The following PTPRD variants were observed in gnomAD, a reference collection of about 807,000 sequenced individuals.
The protein encoded by PTPRD is receptor-type tyrosine-protein phosphatase delta.
A neutral mutation model predicts 214.5 loss-of-function variants in PTPRD; 34 were observed. The observed-to-expected ratio is 0.16, with a 90% CI of 0.12 to 0.21. PTPRD has a LOEUF of 0.21. PTPRD is among the 10% of genes least tolerant of loss of function. The probability of loss-of-function intolerance (pLI) is 1.00; values close to 1 mark genes in which losing one functional copy is unlikely to be tolerated. For missense variants in PTPRD, 2,545 were observed against 2,398.7 expected, an observed-to-expected ratio of 1.06 and a Z score of -1.27; for synonymous variants, 1,128 against 845.7, an observed-to-expected ratio of 1.33 and a Z score of -5.79.
chr9:8,322,261 G>C (rs962875265), intron 44 of PTPRD, among the ~76,000 whole-genome samples: 3 of 151,886 alleles, frequency 2.0e-5, no homozygotes, highest in African/African-American at 4.8e-5. Flanking sequence ...GGAGAGTCGC[G>C]TGTATCTAAC....
chr9:10,086,557 A>C (rs1037732179), intron 3 of PTPRD, among the ~76,000 whole-genome samples: 2 of 151,808 alleles, frequency 1.3e-5, no homozygotes, highest in African/African-American at 2.4e-5. Context: ...ACTTGGACAA[A>C]TACTTTTAAT....
Position 8,807,933 on chromosome 9 carries a change from T to A in PTPRD, c.-103-73987A>T, listed in dbSNP as rs570864565. 2.6e-5 allele frequency among the ~76,000 whole-genome samples: 4 copies of A among 152,282 alleles called. No individual in the cohort carries two copies. The East Asian group carries it at 5.8e-4, about 22-fold the overall frequency. On this transcript the variant is annotated intron_variant, in intron 11 of 45. Transcript: ENST00000381196. ...TATTCCACTGAATGCACTAATTCAG[T>A]CTAGTGTACTCACTCTTGTATGTTA...
Position 9,417,020 on chromosome 9 carries a change from A to G in PTPRD, c.-236-19538T>C, listed in dbSNP as rs909495013. ...TATACCAAGTAAGATCAGTGAACAA[A>G]ATAAACCAATGAACAAAAACCTGGA... is the stretch of plus-strand genomic sequence containing the variant. On this transcript the variant is annotated intron_variant, in intron 8 of 45. Coordinates refer to ENST00000381196, the MANE Select transcript of PTPRD (RefSeq NM_002839.4). 3.9e-5 allele frequency among the ~76,000 whole-genome samples: 6 copies of G among 152,158 alleles called. No individual in the cohort carries two copies. In the South Asian group the frequency reaches 1.2e-3, roughly 32 times the overall value.
chr9:10,479,135 T>G (rs992109094), intron 2 of PTPRD, among the ~76,000 whole-genome samples: 1 of 152,108 alleles, frequency 6.6e-6, no homozygotes, highest in Non-Finnish European at 1.5e-5. Context: ...AATGAATAAA[T>G]ATAATACTAA....
At chr9:9,553,116 G>C (rs1301906673) in intron 8 of PTPRD, among the ~76,000 whole-genome samples, 2 of 151,986 alleles carry the variant, frequency 1.3e-5, no homozygotes, top group African/African-American at 4.8e-5. Context: ...TAATGTCTGG[G>C]AAGATAGTTT....
chr9:10,201,251 A>T (rs2099419043), intron 3 of PTPRD, among the ~76,000 whole-genome samples: 1 of 152,070 alleles, frequency 6.6e-6, no homozygotes, highest in Non-Finnish European at 1.5e-5. Flanking sequence ...GGTGTGAAAC[A>T]TTGATTTAGA....
Position 8,484,286 on chromosome 9 carries a change from T to C in PTPRD, c.3246A>G (p.Ser1082=). Reference sequence around the variant, plus strand: ...TGTTTCCACGATTTGTCAGCACAAATGAATATGATTTCTCAGGCTTCAGGT... The same window carrying C: ...TGTTTCCACGATTTGTCAGCACAAACGAATATGATTTCTCAGGCTTCAGGT... ...IVNLKPEKSY[S]FVLTNRGNSA... Residue 1082 remains serine (S), a synonymous_variant, in exon 30 of 46, where the codon TCA becomes TCG. Coordinates refer to ENST00000381196, the MANE Select transcript of PTPRD (RefSeq NM_002839.4). 1.2e-6 allele frequency: 2 copies of C among 1,614,158 alleles called. No homozygotes were observed. The highest frequency in any genetic ancestry group is 1.1e-5 in the South Asian group (1 of 91,080).
chr9:9,361,854 C>A (rs1292134380), intron 9 of PTPRD, among the ~76,000 whole-genome samples: 1 of 150,928 alleles, frequency 6.6e-6, no homozygotes, highest in Non-Finnish European at 1.5e-5. Context: ...TTATCAGGGC[C>A]TACCATGAAT....
chr9:8,699,763 C>T (rs1304770594), intron 12 of PTPRD, among the ~76,000 whole-genome samples: 8 of 141,306 alleles, frequency 5.7e-5, no homozygotes, highest in Admixed American at 5.0e-4. Flanking sequence ...GCCAGTGCAA[C>T]GCCCAAAAGA....
At chr9:9,059,978 G>C (rs1000369766) in intron 10 of PTPRD, among the ~76,000 whole-genome samples, 19 of 152,172 alleles carry the variant, frequency 1.2e-4, no homozygotes, top group African/African-American at 4.6e-4. Context: ...CTCTCTGCAA[G>C]TTATTTTTTA....
intron 2 of PTPRD, among the ~76,000 whole-genome samples, chr9:10,524,487 C>T (rs1247078759): frequency 6.6e-6 from 1 of 151,476 alleles, no homozygotes; most frequent in East Asian, 1.9e-4. Context: ...ATCCTAACAC[C>T]ATAAGCCATA....
intron 10 of PTPRD, chr9:9,091,043 C>G: frequency 6.5e-7 from 1 of 1,537,344 alleles, no homozygotes; most frequent in Non-Finnish European, 8.9e-7. Context: ...GAGGCCGCAG[C>G]AGTCAGGGAC....
chr9:10,284,443 T>G (rs1323500), intron 3 of PTPRD, among the ~76,000 whole-genome samples: 55,780 of 152,050 alleles, frequency 0.37, 13,093 homozygotes, highest in African/African-American at 0.64. Flanking sequence ...GCATATGATA[T>G]AAAATTATCA....
intron 9 of PTPRD, among the ~76,000 whole-genome samples, chr9:9,221,360 A>G (rs1320753595): frequency 6.6e-6 from 1 of 152,132 alleles, no homozygotes; most frequent in Non-Finnish European, 1.5e-5. Context: ...CTCAGGTAAA[A>G]TATGAGAGGA....
chr9:10,397,189 C>T (rs568770464), intron 2 of PTPRD, among the ~76,000 whole-genome samples: 6 of 152,002 alleles, frequency 3.9e-5, no homozygotes, highest in Admixed American at 2.0e-4. Context: ...TTGACAGGAA[C>T]GTTCTTGCAT....
At chr9:8,665,029 G>C (rs751768322) in intron 12 of PTPRD, among the ~76,000 whole-genome samples, 1 of 152,076 alleles carries the variant, frequency 6.6e-6, no homozygotes. Context: ...ATCTATCAGA[G>C]AATGCACCTT....
At chr9:9,061,819 G>A (rs324501) in intron 10 of PTPRD, among the ~76,000 whole-genome samples, 40,810 of 151,912 alleles carry the variant, frequency 0.27, 6,245 homozygotes, top group Middle Eastern at 0.34. Context: ...CAAATAAACA[G>A]CTCTTCTATC....
chr9:9,780,272 A>G (rs2098832835), intron 5 of PTPRD, among the ~76,000 whole-genome samples: 1 of 152,162 alleles, frequency 6.6e-6, no homozygotes, highest in Admixed American at 6.5e-5. Context: ...TCAGTGAGGG[A>G]GGGGAGCATG....
At chr9:9,514,775 T>C (rs1164376243) in intron 8 of PTPRD, among the ~76,000 whole-genome samples, 1 of 152,050 alleles carries the variant, frequency 6.6e-6, no homozygotes, top group African/African-American at 2.4e-5. Flanking sequence ...TCCTGACCGA[T>C]GGAAGCTGTA....
Sources: allele counts gnomAD v4.1 joint callset (sites outside exome capture counted in the v4.1 genomes callset), GRCh38; gene constraint gnomAD v4.1.1; transcripts MANE v1.5; gene names NCBI Gene and HGNC (gene_info 2026-07-23, HGNC 2026-07-21).